KAZN: variants seen among roughly 807,000 people sequenced by gnomAD.
KAZN encodes the protein kazrin.
In KAZN, 40 loss-of-function variants were observed where a neutral mutation model predicts 87.4. That is an observed-to-expected ratio of 0.46 (90% confidence interval 0.36 to 0.60). The LOEUF (loss-of-function observed/expected upper bound fraction) is 0.60, where lower values mean the gene tolerates loss of function less well. Among genes scored for constraint, KAZN ranks in the 20% least tolerant of loss-of-function variants. KAZN has a pLI of 0.00. For missense variants in KAZN, 898 were observed against 1,073.9 expected (o/e 0.84, Z 2.29); for synonymous variants, 466 against 458.3 (o/e 1.02, Z -0.22).
chr1:14,147,688 C>T (rs866291040), intron 1 of KAZN, among the ~76,000 whole-genome samples: 6 of 151,720 alleles, frequency 4.0e-5, no homozygotes, highest in Admixed American at 6.6e-5. Flanking sequence ...CCCAGCTACT[C>T]GGCAGGCTGA....
At chr1:14,585,455 C>T (rs1571987273) in intron 2 of KAZN, among the ~76,000 whole-genome samples, 1 of 152,168 alleles carries the variant, frequency 6.6e-6, no homozygotes, top group East Asian at 1.9e-4. Flanking sequence ...CATATGTCTG[C>T]ATTTCAGAGC....
chr1:14,445,029 G>A (rs1306580106), intron 2 of KAZN, among the ~76,000 whole-genome samples: 1 of 109,282 alleles, frequency 9.2e-6, no homozygotes, highest in Non-Finnish European at 1.9e-5. Context: ...TAACCCGTGT[G>A]CTTTTTTTTT....
intron 1 of KAZN, among the ~76,000 whole-genome samples, chr1:14,066,465 G>A (rs903781671): frequency 1.3e-5 from 2 of 152,180 alleles, no homozygotes; most frequent in African/African-American, 2.4e-5. Flanking sequence ...ACTTCTTGGG[G>A]TAGAGGGTTG....
intron 1 of KAZN, among the ~76,000 whole-genome samples, chr1:14,131,499 C>T (rs1330217598): frequency 1.3e-5 from 2 of 152,066 alleles, no homozygotes; most frequent in South Asian, 2.1e-4. Context: ...AAACCTTCTC[C>T]AGCACATTAG....
upstream of KAZN, chr1:14,598,643 T>G: frequency 3.5e-6 from 4 of 1,136,644 alleles, no homozygotes; most frequent in Non-Finnish European, 2.2e-6. The surrounding 1 kb of genome is among the most constrained non-coding windows in gnomAD (Gnocchi z 4.2). Flanking sequence ...CGGCGGCGAA[T>G]GGTAGGCTCC....
At chr1:14,695,707 T>G (rs1411714395) in intron 1 of KAZN, among the ~76,000 whole-genome samples, 1 of 151,844 alleles carries the variant, frequency 6.6e-6, no homozygotes, top group African/African-American at 2.4e-5. Flanking sequence ...GGTTTCATCA[T>G]GTTAGCCAGG....
chr1:13,946,645 T>C (rs1641156202), intron 1 of KAZN, among the ~76,000 whole-genome samples: 1 of 152,166 alleles, frequency 6.6e-6, no homozygotes, highest in African/African-American at 2.4e-5. Context: ...CTTGTTGAAC[T>C]AATATTCCAA....
intron 1 of KAZN, among the ~76,000 whole-genome samples, chr1:14,799,702 G>C (rs971074361): frequency 1.3e-5 from 2 of 152,124 alleles, no homozygotes; most frequent in Non-Finnish European, 2.9e-5. Context: ...GTGGGCTCAG[G>C]ATATAATTAA....
At chr1:14,388,603 A>G (rs914273054) in intron 2 of KAZN, among the ~76,000 whole-genome samples, 2 of 152,186 alleles carry the variant, frequency 1.3e-5, no homozygotes, top group African/African-American at 4.8e-5. Flanking sequence ...ACTGGGAAAA[A>G]AAGTCTCTTC....
chr1:14,009,562 A>G (rs557914167), intron 1 of KAZN, among the ~76,000 whole-genome samples: 3 of 152,310 alleles, frequency 2.0e-5, no homozygotes, highest in Admixed American at 6.5e-5. Context: ...GATAGATACT[A>G]TTTTTAATTC....
At chr1:14,757,541 GTT>G (rs1644603548) in intron 1 of KAZN, among the ~76,000 whole-genome samples, 2 of 152,164 alleles carry the variant, frequency 1.3e-5, no homozygotes. Flanking sequence ...ACCTCCTAGA[GTT>G]TTATAGGGAA....
chr1:14,867,269 A>G (rs893169713), intron 1 of KAZN, among the ~76,000 whole-genome samples: 1 of 152,228 alleles, frequency 6.6e-6, no homozygotes, highest in African/African-American at 2.4e-5. Flanking sequence ...GTTTTGTGAG[A>G]TCTGCGAGAG....
chr1:14,758,046 G>A (rs185176962), intron 1 of KAZN, among the ~76,000 whole-genome samples: 79 of 152,292 alleles, frequency 5.2e-4, no homozygotes, highest in Non-Finnish European at 7.5e-4. Context: ...CCACAACACA[G>A]GTAGATGGAA....
chr1:13,923,913 G>T (rs995675537), intron 1 of KAZN, among the ~76,000 whole-genome samples: 4 of 151,388 alleles, frequency 2.6e-5, no homozygotes, highest in Non-Finnish European at 4.4e-5. Flanking sequence ...TGGATTGAAT[G>T]CTGGGGAGTG....
chr1:14,822,066 T>A (rs549296449), intron 1 of KAZN, among the ~76,000 whole-genome samples: 1 of 152,300 alleles, frequency 6.6e-6, no homozygotes, highest in South Asian at 2.1e-4. Flanking sequence ...GATTAATGAT[T>A]TTTCTCCTGG....
chr1:14,051,043 A>G (rs564626662), intron 1 of KAZN, among the ~76,000 whole-genome samples: 6 of 152,280 alleles, frequency 3.9e-5, no homozygotes, highest in African/African-American at 1.4e-4. Context: ...GGCTTCAGCA[A>G]AACTGAACTC....
intron 1 of KAZN, among the ~76,000 whole-genome samples, chr1:14,835,814 C>T (rs1408767840): frequency 2.6e-5 from 4 of 151,636 alleles, no homozygotes; most frequent in East Asian, 1.9e-4. Context: ...CTCCCACCCC[C>T]GCCCCCTGAC....
At chr1:14,389,692 C>G (rs1175328269) in intron 2 of KAZN, among the ~76,000 whole-genome samples, 1 of 151,914 alleles carries the variant, frequency 6.6e-6, no homozygotes, top group Non-Finnish European at 1.5e-5. Flanking sequence ...AGGATGGTTA[C>G]CAGAGGCTGG....
chr1:14,574,848 G>A (rs1038511876), intron 2 of KAZN, among the ~76,000 whole-genome samples: 4 of 152,192 alleles, frequency 2.6e-5, no homozygotes, highest in Admixed American at 2.6e-4. Context: ...TGGTGGAAGG[G>A]CGTCAGGGAT....
Sources: allele counts gnomAD v4.1 joint callset (sites outside exome capture counted in the v4.1 genomes callset), GRCh38; gene constraint gnomAD v4.1.1; non-coding constraint Gnocchi (gnomAD v3.1); transcripts MANE v1.5; gene names NCBI Gene and HGNC (gene_info 2026-07-23, HGNC 2026-07-21).